UBAP1: variants seen among roughly 807,000 people sequenced by gnomAD.
UBAP1 encodes ubiquitin-associated protein 1.
UBAP1 carries 5 observed loss-of-function variants against 39.0 expected under a neutral mutation model. The observed-to-expected ratio is 0.13, with a 90% CI of 0.07 to 0.27. The LOEUF is 0.27. Among genes scored for constraint, UBAP1 ranks in the 10% least tolerant of loss-of-function variants. The probability of loss-of-function intolerance (pLI) is 1.00; values close to 1 mark genes in which losing one functional copy is unlikely to be tolerated. For synonymous variants in UBAP1, 211 were observed against 225.1 expected (o/e 0.94, Z 0.56); for missense variants, 490 against 608.1 (o/e 0.81, Z 2.04).
intron 1 of UBAP1, among the ~76,000 whole-genome samples, chr9:34,196,932 GTGTGTT>G (rs1563891323): frequency 6.7e-6 from 1 of 150,116 alleles, no homozygotes; most frequent in Non-Finnish European, 1.5e-5. Context: ...GTGTGTGTGT[GTGTGTT>G]TTTAATTGAG....
chr9:34,251,683 C>A lies in UBAP1; in HGVS notation c.*151C>A. ...GAGACTGCTCGCCAGTCTCTGTGAGCCTAGGCCCTGAGCTGGGGAGGTGGG... is the reference window on the plus strand; with the variant it reads ...GAGACTGCTCGCCAGTCTCTGTGAGACTAGGCCCTGAGCTGGGGAGGTGGG... On this transcript the variant is annotated 3_prime_UTR_variant, in exon 7 of 7. Coordinates refer to ENST00000297661, the MANE Select transcript of UBAP1 (RefSeq NM_016525.5). 1.2e-6 allele frequency: 1 copy of A among 853,956 alleles called. No individual in the cohort carries two copies. Among genetic ancestry groups the A allele is most frequent in the Non-Finnish European group, 1.8e-6 (1 of 569,756 alleles). 52.9% of individuals were successfully genotyped at this position (853,956 alleles called of 1,614,324 possible). A position where few individuals can be genotyped will look rare whatever the true frequency, so the allele number is the denominator to read the frequency against.
At chr9:34,224,355 A>G (rs1402076602) in intron 2 of UBAP1, 3 of 451,428 alleles carry the variant, frequency 6.6e-6, no homozygotes, top group African/African-American at 2.0e-5. Context: ...GGGTCTTGTT[A>G]TGGACCAGCT....
Position 34,179,049 on chromosome 9 carries a change from T to G in UBAP1, c.-199T>G, listed in dbSNP as rs1829869876. On this transcript the variant is annotated 5_prime_UTR_variant, in exon 1 of 7. Coordinates refer to ENST00000297661, the MANE Select transcript of UBAP1 (RefSeq NM_016525.5). ...GCGGTGAGGGGAAGGAGGAGGGAAG[T>G]AGGACTTCAACATGGCGGCTGCGGC... 1.6e-6 allele frequency: 2 copies of G among 1,265,520 alleles called. No individual in the cohort carries two copies. 78.4% of individuals were successfully genotyped at this position (1,265,520 alleles called of 1,614,324 possible).
intron 1 of UBAP1, among the ~76,000 whole-genome samples, chr9:34,213,032 A>G (rs1328956707): frequency 1.3e-5 from 2 of 152,238 alleles, no homozygotes; most frequent in Non-Finnish European, 2.9e-5. Context: ...CCAGGGATGC[A>G]GGGATGGTTT....
At chr9:34,188,434 T>C (rs1830534151) in intron 1 of UBAP1, among the ~76,000 whole-genome samples, 1 of 150,742 alleles carries the variant, frequency 6.6e-6, no homozygotes, top group Admixed American at 6.6e-5. Flanking sequence ...TTTTTTTTTT[T>C]TTTTTTTTTT....
chr9:34,202,046 C>G (rs1011086744), intron 1 of UBAP1, among the ~76,000 whole-genome samples: 2 of 152,154 alleles, frequency 1.3e-5, no homozygotes, highest in African/African-American at 4.8e-5. Flanking sequence ...GGGGTGTCAC[C>G]ATCCACGAAC....
intron 3 of UBAP1, among the ~76,000 whole-genome samples, chr9:34,238,794 A>G (rs1053807215): frequency 6.6e-6 from 1 of 152,220 alleles, no homozygotes; most frequent in South Asian, 2.1e-4. Flanking sequence ...ACTATTAGCA[A>G]TATGATTTAA....
At chr9:34,199,994 T>C (rs537736285) in intron 1 of UBAP1, among the ~76,000 whole-genome samples, 1 of 152,158 alleles carries the variant, frequency 6.6e-6, no homozygotes, top group East Asian at 1.9e-4. Context: ...CAATCTAGGA[T>C]AACTAAATTG....
chr9:34,249,980 AGGAGG>A lies in UBAP1; in HGVS notation c.1266+21_1266+25del. On this transcript the variant is annotated intron_variant, in intron 5 of 6. Coordinates refer to ENST00000297661, the MANE Select transcript of UBAP1 (RefSeq NM_016525.5). ...TGAGCAGGTGAGCGGTTGGTCAGCC[AGGAGG>A]GCAGGCTCAGACCTGTGGAGCTGGA... 6.2e-7 allele frequency: 1 copy of A among 1,612,736 alleles called. No individual in the cohort carries two copies. The highest frequency in any genetic ancestry group is 8.5e-7 in the Non-Finnish European group (1 of 1,179,570).
chr9:34,234,878 A>C (rs1412009909), intron 3 of UBAP1, among the ~76,000 whole-genome samples: 1 of 152,214 alleles, frequency 6.6e-6, no homozygotes, highest in East Asian at 1.9e-4. Context: ...TTATTAAAAA[A>C]GTTAACTGTA....
intron 2 of UBAP1, among the ~76,000 whole-genome samples, chr9:34,226,896 T>C (rs567301621): frequency 2.0e-5 from 3 of 152,360 alleles, no homozygotes; most frequent in Admixed American, 6.5e-5. Flanking sequence ...CATTTCCATT[T>C]GTCTCTTTAT....
chr9:34,219,755 C>CCT (rs1832571374), intron 1 of UBAP1, among the ~76,000 whole-genome samples: 1 of 70,968 alleles, frequency 1.4e-5, no homozygotes. Context: ...CCTCCCCTCC[C>CCT]CTCCCCTCTC....
chr9:34,181,266 C>G (rs1264308012), intron 1 of UBAP1, among the ~76,000 whole-genome samples: 1 of 150,828 alleles, frequency 6.6e-6, no homozygotes, highest in Non-Finnish European at 1.5e-5. Flanking sequence ...GCGCCTGCCA[C>G]ACACCTGGCT....
At chr9:34,242,784 C>A (rs961403150) in intron 4 of UBAP1, among the ~76,000 whole-genome samples, 1 of 152,176 alleles carries the variant, frequency 6.6e-6, no homozygotes, top group African/African-American at 2.4e-5. Context: ...CTCCACCTCC[C>A]AAATTCCTGG....
At chr9:34,203,672 T>A (rs1205506781) in intron 1 of UBAP1, among the ~76,000 whole-genome samples, 1 of 152,232 alleles carries the variant, frequency 6.6e-6, no homozygotes, top group Non-Finnish European at 1.5e-5. Context: ...TAATAGAACT[T>A]TAAAGACATC....
intron 5 of UBAP1, 37 bp from the exon 6 acceptor site, chr9:34,250,621 C>G (rs1834440280): frequency 6.5e-7 from 1 of 1,542,916 alleles, no homozygotes; most frequent in Non-Finnish European, 8.9e-7. Flanking sequence ...CAGCAAAGAG[C>G]AGCAGTAGGT....
Position 34,179,087 on chromosome 9 carries a change from T to C in UBAP1, c.-161T>C. On this transcript the variant is annotated 5_prime_UTR_variant, in exon 1 of 7. Coordinates refer to ENST00000297661, the MANE Select transcript of UBAP1 (RefSeq NM_016525.5). Reference sequence around the variant, plus strand: ...TGGCGGCTGCGGCACTGGCGGTGGCTACGGTGACGGCCTGGCCCGGAGCGG... The same window carrying C: ...TGGCGGCTGCGGCACTGGCGGTGGCCACGGTGACGGCCTGGCCCGGAGCGG... 4 of 1,278,590 alleles carry C rather than the reference T, an allele frequency of 3.1e-6. No homozygotes were observed. Among genetic ancestry groups the C allele is most frequent in the Non-Finnish European group, 9.9e-7 (1 of 1,010,374 alleles). 79.2% of individuals were successfully genotyped at this position (1,278,590 alleles called of 1,614,324 possible).
rs141759721 is a variant in UBAP1 at position 34,220,882 on chromosome 9, C to T, written c.-7-26C>T. On this transcript the variant is annotated intron_variant, in intron 1 of 6. Transcript: ENST00000297661. Reference sequence around the variant, plus strand: ...GTACTACCTTCAAGGTATAATGTGCCTAAGAAATATTTCCTTGTTTTTCAG... The same window carrying T: ...GTACTACCTTCAAGGTATAATGTGCTTAAGAAATATTTCCTTGTTTTTCAG... The T allele has an allele frequency of 6.6e-4, 1,066 of 1,610,798 alleles. 5 individuals carry two copies. In the African/African-American group the frequency reaches 0.012, roughly 18 times the overall value.
Position 34,180,672 on chromosome 9 carries a change from CAAT to C in UBAP1, c.-8+1438_-8+1440del, listed in dbSNP as rs1447685978. Among the ~76,000 whole-genome samples, 10 of 151,694 alleles carry C rather than the reference CAAT, an allele frequency of 6.6e-5. 1 individual carries two copies. The highest frequency in any genetic ancestry group is 2.1e-4 in the South Asian group (1 of 4,808). ...TTTATTAAATAGCTACTGTGTGTTGCAATAATAAGAGTCATTATAATTACAGAA... is the reference window on the plus strand; with the variant it reads ...TTTATTAAATAGCTACTGTGTGTTGCAATAAGAGTCATTATAATTACAGAA... On this transcript the variant is annotated intron_variant, in intron 1 of 6. Coordinates refer to ENST00000297661, the MANE Select transcript of UBAP1 (RefSeq NM_016525.5).
Sources: gnomAD v4.1 joint callset for allele counts (sites outside exome capture counted in the v4.1 genomes callset) on GRCh38, gnomAD v4.1.1 for gene constraint, MANE v1.5 for transcripts, NCBI Gene and HGNC (gene_info 2026-07-23, HGNC 2026-07-21) for gene names.